ABCB1: variants seen among roughly 807,000 people sequenced by gnomAD.
The protein encoded by ABCB1 is ATP binding cassette subfamily B member 1.
Under a neutral mutation model 142.0 loss-of-function variants are expected in ABCB1, and 69 were observed. That is an observed-to-expected ratio of 0.49 (90% CI 0.40 to 0.59). ABCB1 has a LOEUF of 0.59. Among genes scored for constraint, ABCB1 ranks in the 20% least tolerant of loss-of-function variants. The pLI is 0.00. For missense variants in ABCB1, 1,326 were observed against 1,554.7 expected (o/e 0.85, Z 2.47); for synonymous variants, 532 against 539.2 (o/e 0.99, Z 0.18).
intron 1 of ABCB1, among the ~76,000 whole-genome samples, chr7:87,619,894 T>C (rs1450321969): frequency 1.3e-5 from 2 of 152,082 alleles, no homozygotes; most frequent in African/African-American, 2.4e-5. Flanking sequence ...CATTTTGTTA[T>C]ATTTTAAGCT....
At chr7:87,646,490 A>G (rs1823016786) in intron 1 of ABCB1, among the ~76,000 whole-genome samples, 1 of 152,142 alleles carries the variant, frequency 6.6e-6, no homozygotes, top group East Asian at 1.9e-4. Context: ...ATGCATTACT[A>G]TCTTAAATGG....
At chr7:87,708,425 A>C (rs906626392) in intron 1 of ABCB1, among the ~76,000 whole-genome samples, 3 of 152,120 alleles carry the variant, frequency 2.0e-5, no homozygotes, top group Non-Finnish European at 2.9e-5. Context: ...TTAAAAAATT[A>C]CTCACCAAAA....
chr7:87,579,079 T>G (rs1249639696), intron 4 of ABCB1, among the ~76,000 whole-genome samples: 4 of 152,248 alleles, frequency 2.6e-5, no homozygotes, highest in Non-Finnish European at 5.9e-5. Flanking sequence ...TTTTGTATCT[T>G]GCAACTTAAC....
chr7:87,518,181 G>A (rs1815334465), intron 23 of ABCB1, among the ~76,000 whole-genome samples: 1 of 152,076 alleles, frequency 6.6e-6, no homozygotes, highest in South Asian at 2.1e-4. Context: ...ATTAGTTTTT[G>A]TTTGTTTGTT....
At chr7:87,506,383 GAACA>G (rs1326224251) in intron 26 of ABCB1, among the ~76,000 whole-genome samples, 1 of 152,080 alleles carries the variant, frequency 6.6e-6, no homozygotes, top group Non-Finnish European at 1.5e-5. Flanking sequence ...AATTTGATTT[GAACA>G]AAGTATTCAT....
At chr7:87,547,862 A>AAC in intron 14 of ABCB1, among the ~76,000 whole-genome samples, 1 of 149,058 alleles carries the variant, frequency 6.7e-6, no homozygotes, top group East Asian at 2.0e-4. Flanking sequence ...AAAAAAAAAA[A>AAC]AAAAAAAAAA....
At chr7:87,627,727 C>T (rs1358865593) in intron 1 of ABCB1, 46 of 152,278 alleles carry the variant, frequency 3.0e-4, no homozygotes, top group Admixed American at 1.3e-4. Flanking sequence ...CGTTCCTGGG[C>T]TTACTATTCC....
chr7:87,675,171 C>T (rs571195579), intron 1 of ABCB1, among the ~76,000 whole-genome samples: 3 of 152,314 alleles, frequency 2.0e-5, no homozygotes, highest in South Asian at 2.1e-4. Flanking sequence ...CTTAGCCTCC[C>T]CATGCTGGGT....
intron 7 of ABCB1, 130 bp downstream of exon 7, chr7:87,565,940 T>TAAA: frequency 9.4e-7 from 1 of 1,062,526 alleles, no homozygotes; most frequent in Non-Finnish European, 1.4e-6. Flanking sequence ...TCCAGCTGAT[T>TAAA]TTGAACAGAA....
chr7:87,566,433 C>T (rs559541215), intron 6 of ABCB1, among the ~76,000 whole-genome samples, 192 bp from the exon 7 acceptor site: 1 of 152,220 alleles, frequency 6.6e-6, no homozygotes, highest in East Asian at 1.9e-4. Flanking sequence ...CCACATGGCC[C>T]CAGGAAATGG....
intron 4 of ABCB1, among the ~76,000 whole-genome samples, chr7:87,574,177 A>T (rs1311916712): frequency 6.6e-6 from 1 of 152,202 alleles, no homozygotes; most frequent in Non-Finnish European, 1.5e-5. Flanking sequence ...GCTTTAGAAC[A>T]GCTTCCAAGA....
In ABCB1 at chr7:87,516,482, A is replaced by C. The variant is rs1584836629; in HGVS notation, c.3084+27T>G. The C allele has an allele frequency of 1.2e-6, 2 of 1,614,068 alleles. No homozygotes were observed. The highest frequency in any genetic ancestry group is 8.5e-7 in the Non-Finnish European group (1 of 1,179,894). ...ACTTTCATTCAGGAGTCAGGAGTAG[A>C]TCAAACAGTTGAAACATCAAACTCA... On this transcript the variant is annotated intron_variant, in intron 24 of 27. Coordinates refer to ENST00000622132, the MANE Select transcript of ABCB1 (RefSeq NM_001348946.2).
intron 1 of ABCB1, among the ~76,000 whole-genome samples, chr7:87,680,445 AACTT>A (rs1212678748): frequency 6.6e-6 from 1 of 150,794 alleles, no homozygotes; most frequent in Non-Finnish European, 1.5e-5. Context: ...AAACATTAAA[AACTT>A]ACTTAGAAAG....
chr7:87,505,803 A>G (rs1584826129), intron 27 of ABCB1, 94 bp downstream of exon 27: 3 of 1,462,840 alleles, frequency 2.1e-6, no homozygotes, highest in East Asian at 2.3e-5. Flanking sequence ...GTAACTGTCA[A>G]TAATCTGGCT....
Position 87,709,575 on chromosome 7 carries a change from T to C in ABCB1, c.-331+3586A>G, listed in dbSNP as rs531094130. ...ATTTTCTTCCCAGTAGTACTGCTGC[T>C]TCTAGCCTGACAGGTTTTAACTACT... On this transcript the variant is annotated intron_variant, in intron 1 of 28. Transcript: ENST00000265724. 14 of 945,064 alleles carry C rather than the reference T, an allele frequency of 1.5e-5. No individual in the cohort carries two copies. The South Asian group carries it at 3.9e-4, about 26-fold the overall frequency. The allele number at this position is 945,064 out of a possible 1,614,324, so 58.5% of individuals were successfully genotyped here.
intron 5 of ABCB1, among the ~76,000 whole-genome samples, chr7:87,567,200 C>T (rs543410923): frequency 3.3e-5 from 5 of 152,370 alleles, no homozygotes; most frequent in African/African-American, 1.2e-4. Flanking sequence ...CAAATCCCAG[C>T]TCTTCACTTC....
intron 1 of ABCB1, among the ~76,000 whole-genome samples, chr7:87,634,848 GTAT>G (rs1280572177): frequency 1.3e-5 from 2 of 152,130 alleles, no homozygotes; most frequent in African/African-American, 4.8e-5. Flanking sequence ...AGCAGGTTCA[GTAT>G]TATTAAATAT....
At chr7:87,702,298 G>A in intron 1 of ABCB1, among the ~76,000 whole-genome samples, 1 of 150,542 alleles carries the variant, frequency 6.6e-6, no homozygotes, top group Non-Finnish European at 1.5e-5. Flanking sequence ...TATTTTTTAG[G>A]GACAGGGTCT....
Position 87,504,437 on chromosome 7 carries a change from C to A in ABCB1, c.3649G>T (p.Ala1217Ser). The A allele has an allele frequency of 6.2e-7, 1 of 1,614,090 alleles. No homozygotes were observed. Among genetic ancestry groups the A allele is most frequent in the Middle Eastern group, 1.7e-4 (1 of 6,054 alleles). Reference protein sequence around the residue: ...DTESEKVVQEALDKAREGRTC... With the variant: ...DTESEKVVQESLDKAREGRTC... ...CGGCCTTCTCTGGCTTTGTCCAGGG[C>A]TTCTTGGACAACCTATTCCATAATC... The change falls in exon 28 of 28, where the codon GCC becomes TCC. Residue 1217 changes from alanine (A) to serine (S), a missense_variant. Physicochemically the swap from Ala to Ser is moderately conservative, Grantham distance 99 (BLOSUM62 1). Transcript: ENST00000622132.
Sources: gnomAD v4.1 joint callset for allele counts (sites outside exome capture counted in the v4.1 genomes callset) on GRCh38, gnomAD v4.1.1 for gene constraint, MANE v1.5 for transcripts, NCBI Gene and HGNC (gene_info 2026-07-23, HGNC 2026-07-21) for gene names.